DEK: variants seen among roughly 807,000 people sequenced by gnomAD.
DEK encodes protein DEK.
A neutral mutation model predicts 46.8 loss-of-function variants in DEK; 28 were observed. The observed-to-expected ratio is 0.60, with a 90% CI of 0.44 to 0.82. The LOEUF is 0.82. Ranked by LOEUF, DEK falls within the 40% of genes least tolerant of loss-of-function variation. The pLI, the probability that DEK is intolerant of heterozygous loss-of-function variation, is 0.00. For synonymous variants in DEK, 160 were observed against 144.5 expected (o/e 1.11, Z -0.77); for missense variants, 416 against 430.6 (o/e 0.97, Z 0.30).
chr6:18,249,618 G>A, intron 7 of DEK, 33 bp downstream of exon 7: 1 of 1,496,702 alleles, frequency 6.7e-7, no homozygotes, highest in Non-Finnish European at 8.9e-7. Flanking sequence ...CCCATGGAAA[G>A]AAATGATTTA....
intron 7 of DEK, among the ~76,000 whole-genome samples, chr6:18,240,620 A>G (rs577055118): frequency 6.6e-6 from 1 of 152,228 alleles, no homozygotes; most frequent in East Asian, 1.9e-4. Flanking sequence ...AAATTCTTTG[A>G]TTATGCAAAT....
chr6:18,253,497 G>A (rs1791481208), intron 6 of DEK, among the ~76,000 whole-genome samples: 1 of 152,066 alleles, frequency 6.6e-6, no homozygotes, highest in Admixed American at 6.6e-5. Flanking sequence ...ACATAATTCA[G>A]GGAACCAATA....
chr6:18,259,173 T>A (rs1189018646), intron 2 of DEK, among the ~76,000 whole-genome samples: 1 of 147,026 alleles, frequency 6.8e-6, no homozygotes, highest in Non-Finnish European at 1.5e-5. Context: ...CCATCCTGGC[T>A]AACTCAGTCA....
chr6:18,245,661 C>T (rs1791083417), intron 7 of DEK, among the ~76,000 whole-genome samples: 1 of 152,148 alleles, frequency 6.6e-6, no homozygotes, highest in African/African-American at 2.4e-5. Flanking sequence ...TACTATTTCC[C>T]CCTTTTTTCT....
Position 18,236,445 on chromosome 6 carries a change from T to C in DEK, c.1047+7A>G. On this transcript the variant is annotated splice_region_variant and intron_variant, in intron 9 of 10. Coordinates refer to ENST00000652689, the MANE Select transcript of DEK (RefSeq NM_003472.4). ...AAGCAAAATAATCTAAACATTTGTC[T>C]AATTACCTTTTTGCAAATCTGTTTC... The C allele has an allele frequency of 6.2e-7, 1 of 1,609,292 alleles. No individual in the cohort carries two copies. Among genetic ancestry groups the C allele is most frequent in the Non-Finnish European group, 8.5e-7 (1 of 1,178,590 alleles).
At chr6:18,254,745 A>G (rs1342189348) in intron 6 of DEK, among the ~76,000 whole-genome samples, 1 of 152,220 alleles carries the variant, frequency 6.6e-6, no homozygotes, top group African/African-American at 2.4e-5. Context: ...AAATCCTTAA[A>G]AAGTACAAGT....
chr6:18,229,790 T>C (rs1258247694), intron 9 of DEK, among the ~76,000 whole-genome samples: 1 of 152,176 alleles, frequency 6.6e-6, no homozygotes, highest in African/African-American at 2.4e-5. Context: ...TGGAACCAAG[T>C]TGGAAAACAC....
intron 7 of DEK, among the ~76,000 whole-genome samples, chr6:18,239,091 C>T (rs1790793105): frequency 6.6e-6 from 1 of 151,890 alleles, no homozygotes; most frequent in South Asian, 2.1e-4. Context: ...CACCCGGCTA[C>T]TTTTGTATTT....
At chr6:18,259,549 G>A (rs1234739270) in intron 2 of DEK, among the ~76,000 whole-genome samples, 8 of 151,384 alleles carry the variant, frequency 5.3e-5, no homozygotes, top group Non-Finnish European at 1.2e-4. Flanking sequence ...TATACTGCTC[G>A]AGGTTCTGCC....
chr6:18,252,619 T>G (rs1429378710), intron 6 of DEK, among the ~76,000 whole-genome samples: 2 of 150,772 alleles, frequency 1.3e-5, no homozygotes, highest in Non-Finnish European at 2.9e-5. Context: ...AGAGTTAAGA[T>G]TCTATATGAC....
chr6:18,261,854 G>C (rs569495891), intron 2 of DEK, among the ~76,000 whole-genome samples: 2 of 152,300 alleles, frequency 1.3e-5, no homozygotes, highest in South Asian at 4.1e-4. Flanking sequence ...GGACTACTGC[G>C]AAGGCACAAC....
chr6:18,228,696 A>G (rs1037038979), intron 9 of DEK, among the ~76,000 whole-genome samples: 1 of 152,132 alleles, frequency 6.6e-6, no homozygotes, highest in Non-Finnish European at 1.5e-5. Flanking sequence ...TTTTCCAACA[A>G]TCTTAGCAAA....
Position 18,224,842 on chromosome 6 carries a change from C to A in DEK, c.*877G>T, listed in dbSNP as rs1790037027. ...CCACCCTTTCCCAAAGTTTTTGAAG[C>A]TTTGATAGGTTGATTTTTGGTCTGT... On this transcript the variant is annotated 3_prime_UTR_variant, in exon 11 of 11. Transcript: ENST00000652689. 1 of 210,790 alleles carries A rather than the reference C, an allele frequency of 4.7e-6. No individual in the cohort carries two copies. Among genetic ancestry groups the A allele is most frequent in the African/African-American group, 2.3e-5 (1 of 44,082 alleles). 13.1% of individuals were successfully genotyped at this position (210,790 alleles called of 1,614,324 possible). A position where few individuals can be genotyped will look rare whatever the true frequency, so the allele number is the denominator to read the frequency against.
intron 9 of DEK, among the ~76,000 whole-genome samples, chr6:18,233,600 CTCA>C (rs1249375179): frequency 7.9e-5 from 12 of 152,270 alleles, no homozygotes; most frequent in African/African-American, 2.9e-4. Context: ...TGAAAAAATG[CTCA>C]TCATCACTGG....
chr6:18,261,203 C>G (rs1042545540), intron 2 of DEK, among the ~76,000 whole-genome samples: 1 of 152,110 alleles, frequency 6.6e-6, no homozygotes, highest in East Asian at 1.9e-4. Flanking sequence ...CTTGCACCAG[C>G]GTGCTCTGGA....
intron 9 of DEK, among the ~76,000 whole-genome samples, chr6:18,228,702 G>C (rs1262699837): frequency 6.6e-6 from 1 of 152,206 alleles, no homozygotes; most frequent in Non-Finnish European, 1.5e-5. Context: ...AACAATCTTA[G>C]CAAACGGGAC....
chr6:18,235,152 C>T lies in DEK; in HGVS notation c.1047+1300G>A, dbSNP rs543307387. On this transcript the variant is annotated intron_variant, in intron 9 of 10. Transcript: ENST00000652689. ...TGCTATTGCATTGTTCTTAATGTTT[C>T]TAGGATAACTTTTAAAAATAAAAAT... Among the ~76,000 whole-genome samples, 4 of 152,170 alleles carry T rather than the reference C, an allele frequency of 2.6e-5. No homozygotes were observed. In the South Asian group the frequency reaches 8.3e-4, roughly 32 times the overall value.
chr6:18,238,017 C>T (rs926589589), intron 7 of DEK, among the ~76,000 whole-genome samples: 6 of 151,656 alleles, frequency 4.0e-5, no homozygotes, highest in African/African-American at 7.3e-5. Flanking sequence ...TACAGGTGCT[C>T]GCCACCACAC....
chr6:18,260,489 A>T (rs1211117850), intron 2 of DEK, among the ~76,000 whole-genome samples: 2 of 152,142 alleles, frequency 1.3e-5, no homozygotes, highest in Non-Finnish European at 2.9e-5. Context: ...CACTTTGTGA[A>T]TTTTTTTCAA....
Sources: allele counts gnomAD v4.1 joint callset (sites outside exome capture counted in the v4.1 genomes callset), GRCh38; gene constraint gnomAD v4.1.1; transcripts MANE v1.5; gene names NCBI Gene and HGNC (gene_info 2026-07-23, HGNC 2026-07-21).